The following GLB1 variants were observed in gnomAD, a reference collection of about 807,000 sequenced individuals.
GLB1 encodes the protein galactosidase beta 1, also known as beta-galactosidase.
A neutral mutation model predicts 74.0 loss-of-function variants in GLB1; 56 were observed. That is an observed-to-expected ratio of 0.76 (90% CI 0.61 to 0.94). The LOEUF is 0.94. Ranked by LOEUF, GLB1 falls within the 40% of genes least tolerant of loss-of-function variation. The pLI is 0.00. For missense variants in GLB1, 787 were observed against 845.5 expected (o/e 0.93, Z 0.86); for synonymous variants, 323 against 323.6 (o/e 1.00, Z 0.02).
At chr3:33,094,439 A>G in intron 1 of GLB1, 1 of 1,085,408 alleles carries the variant, frequency 9.2e-7, no homozygotes, top group Non-Finnish European at 1.2e-6. Context: ...TGCTAGCTAT[A>G]CTTTATTATT....
At chr3:32,963,361 C>T in the GLB1 span, among the ~76,000 whole-genome samples, 2 of 152,156 alleles carry the variant, frequency 1.3e-5, no homozygotes, top group Non-Finnish European at 2.9e-5. Context: ...AATTTCTTCA[C>T]AATTTGTGCA....
chr3:33,088,320 G>T (rs1279029400), intron 1 of GLB1, among the ~76,000 whole-genome samples: 1 of 150,760 alleles, frequency 6.6e-6, no homozygotes, highest in Non-Finnish European at 1.5e-5. Context: ...GAAGTAAAAT[G>T]ATCGATTCAC....
chr3:33,009,898 C>T (rs1559380253), intron 15 of GLB1, among the ~76,000 whole-genome samples: 1 of 152,200 alleles, frequency 6.6e-6, no homozygotes, highest in African/African-American at 2.4e-5. Flanking sequence ...TTTTACTTAG[C>T]ATAATATTTT....
intron 1 of GLB1, among the ~76,000 whole-genome samples, chr3:33,078,768 G>T (rs747038591): frequency 1.3e-5 from 2 of 152,092 alleles, no homozygotes; most frequent in African/African-American, 2.4e-5. Flanking sequence ...GAAATGATAC[G>T]ATATTCATTA....
the GLB1 span, among the ~76,000 whole-genome samples, chr3:32,979,870 A>G: frequency 0.81 from 111,402 of 137,110 alleles, 46,289 homozygotes; most frequent in East Asian, 0.92. Flanking sequence ...AAAAAAAAAA[A>G]AAAAAAAAGA....
chr3:33,061,434 C>A (rs544631212), intron 5 of GLB1, among the ~76,000 whole-genome samples: 1 of 151,960 alleles, frequency 6.6e-6, no homozygotes, highest in Non-Finnish European at 1.5e-5. Flanking sequence ...CAAAAAACCA[C>A]CAGAGAGTAA....
At chr3:33,089,842 G>A (rs1175536354) in intron 1 of GLB1, among the ~76,000 whole-genome samples, 1 of 152,118 alleles carries the variant, frequency 6.6e-6, no homozygotes, top group Non-Finnish European at 1.5e-5. Flanking sequence ...TCACAACAAT[G>A]TGAATATACC....
rs1332960380 is a variant in GLB1 at position 33,016,751 on chromosome 3, G to T, written c.1437C>A (p.Asn479Lys). 6.2e-7 allele frequency: 1 copy of T among 1,614,138 alleles called. No homozygotes were observed. The highest frequency in any genetic ancestry group is 1.7e-5 in the Admixed American group (1 of 60,020). The part of the protein sequence containing the change: ...AGATLDLLVE[N>K]MGRVNYGAYI... Reference sequence around the variant, plus strand: ...ATGCACCATAGTTCACACGTCCCATGTTCTCTACCAGAAGGTCCAGAGTGG... The same window carrying T: ...ATGCACCATAGTTCACACGTCCCATTTTCTCTACCAGAAGGTCCAGAGTGG... Residue 479 changes from asparagine to lysine, a missense_variant, in exon 14 of 16, where the codon AAC becomes AAA. By Grantham distance (94) the Asn-to-Lys change is moderately conservative. Transcript: ENST00000307363.
chr3:33,004,534 TAGTC>T (rs1446441406), intron 15 of GLB1, among the ~76,000 whole-genome samples: 4 of 152,166 alleles, frequency 2.6e-5, no homozygotes, highest in Admixed American at 6.5e-5. Flanking sequence ...ATCCACTACT[TAGTC>T]AGTCCCACTT....
the GLB1 span, among the ~76,000 whole-genome samples, chr3:32,991,553 T>C: frequency 6.6e-6 from 1 of 152,220 alleles, no homozygotes; most frequent in Non-Finnish European, 1.5e-5. Flanking sequence ...TACAGTGGAC[T>C]GATGCTATGT....
Position 33,093,283 on chromosome 3 carries a change from C to T in GLB1, c.75+3728G>A, listed in dbSNP as rs767771581. The T allele has an allele frequency of 3.2e-5, 52 of 1,614,070 alleles. No individual in the cohort carries two copies. Among genetic ancestry groups the T allele is most frequent in the Non-Finnish European group, 4.2e-5 (49 of 1,180,044 alleles). On this transcript the variant is annotated intron_variant, in intron 1 of 15. Coordinates refer to ENST00000307363, the MANE Select transcript of GLB1 (RefSeq NM_000404.4). The surrounding 1 kb of genome is among the most constrained non-coding windows in gnomAD (Gnocchi z 6.0). ...TGGGCCCGTGTGGCGGAAATCTTCA[C>T]GTTCTCATTATGAAGAGGCTGGACA...
intron 15 of GLB1, among the ~76,000 whole-genome samples, chr3:33,003,761 G>A (rs1321641244): frequency 6.6e-6 from 1 of 152,206 alleles, no homozygotes; most frequent in East Asian, 1.9e-4. Context: ...TGGGCATGGT[G>A]GCTCACTCCT....
chr3:32,983,622 G>A, the GLB1 span, among the ~76,000 whole-genome samples: 2 of 151,968 alleles, frequency 1.3e-5, no homozygotes, highest in Non-Finnish European at 2.9e-5. Context: ...TTGTTGCATT[G>A]TGCCTTTGAT....
chr3:33,062,767 CAG>C (rs55900859), intron 5 of GLB1, among the ~76,000 whole-genome samples: 15,254 of 152,146 alleles, frequency 0.1, 968 homozygotes, highest in East Asian at 0.33. Context: ...AGCCTGGTGA[CAG>C]AGAGAGACTC....
intron 10 of GLB1, among the ~76,000 whole-genome samples, chr3:33,045,025 A>AT (rs35835691): frequency 6.6e-6 from 1 of 151,844 alleles, no homozygotes; most frequent in Non-Finnish European, 1.5e-5. Flanking sequence ...GTATCTGAAG[A>AT]TTTTTTTTCC....
intron 1 of GLB1, among the ~76,000 whole-genome samples, chr3:33,073,801 G>C (rs1267937279): frequency 6.6e-6 from 1 of 152,118 alleles, no homozygotes; most frequent in Non-Finnish European, 1.5e-5. Context: ...TTGAGCTAAG[G>C]AGTTCAAGAC....
downstream of GLB1, among the ~76,000 whole-genome samples, chr3:32,992,747 G>A (rs377266939): frequency 3.3e-5 from 5 of 152,208 alleles, no homozygotes; most frequent in Non-Finnish European, 7.3e-5. Flanking sequence ...CTGCTCACAC[G>A]TGGGAAAGCC....
At chr3:32,978,929 T>C in the GLB1 span, among the ~76,000 whole-genome samples, 2 of 139,782 alleles carry the variant, frequency 1.4e-5, no homozygotes, top group Admixed American at 7.9e-5. Context: ...CCGGCTAATT[T>C]TTTTTTTTTT....
At chr3:33,052,143 C>G (rs1699021088) in intron 7 of GLB1, 139 bp from the exon 8 acceptor site, 12 of 1,431,904 alleles carry the variant, frequency 8.4e-6, no homozygotes, top group Middle Eastern at 2.5e-4. Flanking sequence ...GAGACGCCCC[C>G]CAGTGAGCAC....
Sources: allele counts gnomAD v4.1 joint callset (sites outside exome capture counted in the v4.1 genomes callset), GRCh38; gene constraint gnomAD v4.1.1; non-coding constraint Gnocchi (gnomAD v3.1); transcripts MANE v1.5; gene names NCBI Gene and HGNC (gene_info 2026-07-23, HGNC 2026-07-21).